The following CLVS1 variants were observed in gnomAD, a reference collection of about 807,000 sequenced individuals.
CLVS1 encodes the protein clavesin 1.
CLVS1 carries 10 observed loss-of-function variants against 33.1 expected under a neutral mutation model. The observed-to-expected ratio is 0.30, with a 90% CI of 0.19 to 0.51. CLVS1 has a LOEUF of 0.51. Ranked by LOEUF, CLVS1 falls within the 20% of genes least tolerant of loss-of-function variation. The pLI is 0.97. For synonymous variants in CLVS1, 163 were observed against 166.1 expected, an observed-to-expected ratio of 0.98 and a Z score of 0.14; for missense variants, 343 against 433.4, an observed-to-expected ratio of 0.79 and a Z score of 1.85.
chr8:61,264,873 G>A (rs1045189309), intron 2 of CLVS1: 1 of 152,194 alleles, frequency 6.6e-6, no homozygotes, highest in African/African-American at 2.4e-5. Flanking sequence ...AGAGACATAC[G>A]TTGTGGGGTT....
the CLVS1 span, among the ~76,000 whole-genome samples, chr8:61,024,999 C>T: frequency 6.6e-6 from 1 of 152,088 alleles, no homozygotes; most frequent in African/African-American, 2.4e-5. Flanking sequence ...AGGTATGTGC[C>T]ACCACGCCCG....
the CLVS1 span, among the ~76,000 whole-genome samples, chr8:61,050,943 A>G: frequency 6.6e-6 from 1 of 152,214 alleles, no homozygotes; most frequent in Non-Finnish European, 1.5e-5. Flanking sequence ...CCAGTCAGAT[A>G]ATGAGCTTAG....
intron 3 of CLVS1, among the ~76,000 whole-genome samples, chr8:61,433,820 A>G (rs879766276): frequency 2.6e-5 from 4 of 152,180 alleles, no homozygotes; most frequent in Non-Finnish European, 5.9e-5. Context: ...AGGCCGAGGC[A>G]GGAGAATTGC....
intron 4 of CLVS1, among the ~76,000 whole-genome samples, chr8:61,455,660 A>G (rs1240984398): frequency 2.0e-5 from 3 of 152,108 alleles, no homozygotes; most frequent in African/African-American, 7.2e-5. Flanking sequence ...TATCTTTGAG[A>G]CTTTCTATTT....
At chr8:61,373,596 T>G (rs556256302) in intron 2 of CLVS1, among the ~76,000 whole-genome samples, 3 of 152,320 alleles carry the variant, frequency 2.0e-5, no homozygotes, top group Middle Eastern at 3.4e-3. Flanking sequence ...GCTTAAGATC[T>G]TCAAAGTTAA....
At chr8:61,314,759 T>G (rs1435265075) in intron 2 of CLVS1, among the ~76,000 whole-genome samples, 3 of 152,222 alleles carry the variant, frequency 2.0e-5, no homozygotes, top group Non-Finnish European at 4.4e-5. Flanking sequence ...TTCTAATATC[T>G]TTTTTGTTGT....
chr8:61,260,849 A>T (rs886649038), intron 2 of CLVS1, among the ~76,000 whole-genome samples: 1 of 152,202 alleles, frequency 6.6e-6, no homozygotes, highest in Non-Finnish European at 1.5e-5. Flanking sequence ...GTAGATAACC[A>T]TGCTGAGGAA....
chr8:61,055,412 A>G (rs936377674), upstream of CLVS1, among the ~76,000 whole-genome samples: 1 of 152,238 alleles, frequency 6.6e-6, no homozygotes, highest in South Asian at 2.1e-4. Flanking sequence ...TACTGCAATA[A>G]AACTACATAA....
chr8:61,354,445 G>C (rs1207331179), intron 2 of CLVS1, among the ~76,000 whole-genome samples: 2 of 151,726 alleles, frequency 1.3e-5, no homozygotes, highest in African/African-American at 4.8e-5. Flanking sequence ...CTGTACATGG[G>C]ATTACCATAC....
At chr8:61,030,030 G>A in the CLVS1 span, among the ~76,000 whole-genome samples, 5 of 152,180 alleles carry the variant, frequency 3.3e-5, no homozygotes, top group African/African-American at 1.2e-4. Context: ...GGAGGCCTCC[G>A]TGAAGCTCTG....
intron 1 of CLVS1, among the ~76,000 whole-genome samples, chr8:61,291,524 G>T (rs1017708245): frequency 6.6e-6 from 1 of 152,198 alleles, no homozygotes; most frequent in African/African-American, 2.4e-5. Context: ...GGAAGTAGGA[G>T]AGAAGTTATG....
At chr8:60,966,137 A>G in the CLVS1 span, 2 of 295,046 alleles carry the variant, frequency 6.8e-6, no homozygotes, top group Admixed American at 9.0e-5. Flanking sequence ...AATCTCTTTT[A>G]TTTCTCTTTC....
At chr8:61,049,039 G>A in the CLVS1 span, among the ~76,000 whole-genome samples, 1 of 152,144 alleles carries the variant, frequency 6.6e-6, no homozygotes, top group Non-Finnish European at 1.5e-5. Context: ...TTCCTTAGAG[G>A]ACAAAATTTA....
chr8:61,222,220 C>T (rs1192676294), intron 2 of CLVS1, among the ~76,000 whole-genome samples: 2 of 151,794 alleles, frequency 1.3e-5, no homozygotes, highest in African/African-American at 4.8e-5. Context: ...TTGTCTTTTG[C>T]TACCTTTTGG....
intron 3 of CLVS1, among the ~76,000 whole-genome samples, chr8:61,418,155 A>G (rs1815516296): frequency 6.6e-6 from 1 of 152,222 alleles, no homozygotes; most frequent in Non-Finnish European, 1.5e-5. Flanking sequence ...TTCAACCATA[A>G]AAATGAGGAA....
intron 2 of CLVS1, among the ~76,000 whole-genome samples, chr8:61,135,727 T>C (rs916462211): frequency 2.6e-5 from 4 of 152,228 alleles, no homozygotes; most frequent in African/African-American, 9.6e-5. Flanking sequence ...ATATGAATCC[T>C]ATCTGATCTG....
intron 2 of CLVS1, among the ~76,000 whole-genome samples, chr8:61,281,611 G>A (rs1809672604): frequency 6.6e-6 from 1 of 152,178 alleles, no homozygotes; most frequent in Non-Finnish European, 1.5e-5. Context: ...GTCAACAAAG[G>A]TAGGGTATTT....
intron 5 of CLVS1, among the ~76,000 whole-genome samples, chr8:61,473,923 G>T (rs950239496): frequency 1.4e-4 from 22 of 152,160 alleles, no homozygotes; most frequent in Admixed American, 7.9e-4. Flanking sequence ...TGTGGTATCT[G>T]GTTAGAGTAG....
chr8:61,436,797 A>G (rs769305477), intron 3 of CLVS1, among the ~76,000 whole-genome samples: 5 of 152,316 alleles, frequency 3.3e-5, no homozygotes, highest in Non-Finnish European at 5.9e-5. Flanking sequence ...GGTGCAGGAA[A>G]AGCTTCCCTT....
Sources: allele counts gnomAD v4.1 joint callset (sites outside exome capture counted in the v4.1 genomes callset), GRCh38; gene constraint gnomAD v4.1.1; transcripts MANE v1.5; gene names NCBI Gene and HGNC (gene_info 2026-07-23, HGNC 2026-07-21).